The following VCL variants were observed in gnomAD, a reference collection of about 807,000 sequenced individuals.
The protein encoded by VCL is epididymis luminal protein 114.
Under a neutral mutation model 125.7 loss-of-function variants are expected in VCL, and 47 were observed. The observed-to-expected ratio is 0.37, with a 90% CI of 0.30 to 0.48. The LOEUF (loss-of-function observed/expected upper bound fraction) is 0.48. Ranked by LOEUF, VCL falls within the 20% of genes least tolerant of loss-of-function variation. VCL has a pLI of 0.99. For synonymous variants in VCL, 458 were observed against 514.6 expected, an observed-to-expected ratio of 0.89 and a Z score of 1.49; for missense variants, 1,069 against 1,455.5, an observed-to-expected ratio of 0.73 and a Z score of 4.32.
intron 2 of VCL, chr10:74,063,536 G>A (rs774689446): frequency 1.3e-5 from 2 of 152,120 alleles, no homozygotes; most frequent in African/African-American, 2.4e-5. Flanking sequence ...CTTCTCTCCT[G>A]CTTCCATTGC....
chr10:74,110,257 T>C (rs1188701658), intron 18 of VCL, among the ~76,000 whole-genome samples: 1 of 152,192 alleles, frequency 6.6e-6, no homozygotes, highest in African/African-American at 2.4e-5. Flanking sequence ...AATTTAAATT[T>C]CATTACAATG....
At chr10:74,048,841 T>G (rs1841242160) in intron 2 of VCL, among the ~76,000 whole-genome samples, 1 of 151,860 alleles carries the variant, frequency 6.6e-6, no homozygotes, top group African/African-American at 2.4e-5. Context: ...AATTGAGAGG[T>G]CAGGCGTGGT....
chr10:74,089,803 G>A (rs1335652494), intron 9 of VCL, among the ~76,000 whole-genome samples: 3 of 152,080 alleles, frequency 2.0e-5, no homozygotes, highest in African/African-American at 7.2e-5. Context: ...GATAAAGCTT[G>A]GGAAAATATT....
At chr10:74,080,311 G>GA (rs959383812) in intron 6 of VCL, among the ~76,000 whole-genome samples, 11 of 150,770 alleles carry the variant, frequency 7.3e-5, no homozygotes, top group Non-Finnish European at 1.6e-4. Flanking sequence ...CTTGGTAAAA[G>GA]AAAAAAAAAT....
intron 6 of VCL, chr10:74,077,626 C>G: frequency 2.4e-6 from 1 of 420,656 alleles, no homozygotes; most frequent in Non-Finnish European, 4.8e-6. Flanking sequence ...CAGTGTCTTT[C>G]ACCTCTTCTC....
intron 1 of VCL, among the ~76,000 whole-genome samples, chr10:74,017,416 T>C (rs541631960): frequency 1.8e-4 from 28 of 152,246 alleles, no homozygotes; most frequent in East Asian, 3.9e-4. Flanking sequence ...CATTCATCCA[T>C]TGATGGACAT....
At chr10:74,032,264 A>G (rs186029387) in intron 1 of VCL, among the ~76,000 whole-genome samples, 1 of 151,394 alleles carries the variant, frequency 6.6e-6, no homozygotes, top group East Asian at 1.9e-4. Context: ...AAAAAAAGAA[A>G]AAGGAAAAGA....
chr10:74,095,861 A>T lies in VCL; in HGVS notation c.1743+6A>T, dbSNP rs370709860. 6.6e-5 allele frequency: 107 copies of T among 1,612,842 alleles called. No homozygotes were observed. The Middle Eastern group carries it at 2.5e-3, about 38-fold the overall frequency. ...AGCTCCAAGACTCCTTAAAGGTAGA[A>T]GTCAGGAGCACATATCATTTTACTT... On this transcript the variant is annotated splice_donor_region_variant and intron_variant, in intron 12 of 21. Coordinates refer to ENST00000211998, the MANE Select transcript of VCL (RefSeq NM_014000.3).
intron 2 of VCL, among the ~76,000 whole-genome samples, chr10:74,044,849 G>A (rs1220545713): frequency 6.6e-6 from 1 of 152,050 alleles, no homozygotes; most frequent in South Asian, 2.1e-4. Context: ...CTTAAAAATG[G>A]TTAATTTTAT....
At position 74,115,626 on chromosome 10, in the gene VCL, T is replaced by A. The variant is rs1170390546; in HGVS notation, c.3258+727T>A. 5.3e-5 allele frequency among the ~76,000 whole-genome samples: 8 copies of A among 152,298 alleles called. No individual in the cohort carries two copies. The South Asian group carries it at 1.5e-3, about 28-fold the overall frequency. On this transcript the variant is annotated intron_variant, in intron 21 of 21. Transcript: ENST00000211998. ...TTTCAACTCACTGTATGTTTCTGGC[T>A]GGAGAGAAGGTCCGCTTTCCAGCTC...
chr10:74,039,668 C>T (rs888330402), intron 1 of VCL, among the ~76,000 whole-genome samples: 1 of 151,888 alleles, frequency 6.6e-6, no homozygotes, highest in Non-Finnish European at 1.5e-5. Flanking sequence ...TGCCTGGAGT[C>T]CTAGCTGCTC....
At chr10:74,072,977 T>C in intron 5 of VCL, 125 bp downstream of exon 5, 1 of 1,395,878 alleles carries the variant, frequency 7.2e-7, no homozygotes, top group Non-Finnish European at 9.8e-7. Context: ...AGTCTCACTC[T>C]GTTGCCAGGC....
intron 10 of VCL, among the ~76,000 whole-genome samples, chr10:74,092,975 G>A (rs1393538683): frequency 6.6e-6 from 1 of 152,064 alleles, no homozygotes; most frequent in Non-Finnish European, 1.5e-5. Context: ...CAAGGACTGG[G>A]GATTATGTGA....
chr10:74,037,492 G>C (rs975104723), intron 1 of VCL, among the ~76,000 whole-genome samples: 4 of 152,208 alleles, frequency 2.6e-5, no homozygotes, highest in Admixed American at 6.5e-5. Flanking sequence ...TAAAGATCTA[G>C]AACAGAGGAT....
At chr10:74,000,621 G>A (rs945033935) in intron 1 of VCL, among the ~76,000 whole-genome samples, 4 of 151,988 alleles carry the variant, frequency 2.6e-5, no homozygotes, top group Non-Finnish European at 4.4e-5. Context: ...CACCATGTTG[G>A]CCAGGATGAT....
At chr10:74,072,880 A>G (rs1841685025) in intron 5 of VCL, 28 bp downstream of exon 5, 2 of 1,612,648 alleles carry the variant, frequency 1.2e-6, no homozygotes, top group Admixed American at 1.7e-5. Context: ...TTTATTTTAT[A>G]GGGGGGAAAA....
At chr10:74,106,629 TC>T (rs1184612291) in intron 16 of VCL, among the ~76,000 whole-genome samples, 1 of 152,128 alleles carries the variant, frequency 6.6e-6, no homozygotes, top group Non-Finnish European at 1.5e-5. Context: ...AAGGAGGGGC[TC>T]CCCTATTCAT....
Position 74,103,833 on chromosome 10 carries a change from C to T in VCL, c.2036C>T (p.Ala679Val). The T allele has an allele frequency of 6.2e-7, 1 of 1,614,084 alleles. No individual in the cohort carries two copies. Among genetic ancestry groups the T allele is most frequent in the Non-Finnish European group, 8.5e-7 (1 of 1,179,988 alleles). ...RELTPQVVSA[A>V]RILLRNPGNQ... ...TGTCATTGTCAGGTGGTCTCGGCTGCTCGTATCTTACTTAGGAACCCTGGA... is the reference window on the plus strand; with the variant it reads ...TGTCATTGTCAGGTGGTCTCGGCTGTTCGTATCTTACTTAGGAACCCTGGA... Residue 679 changes from alanine to valine, a missense_variant, in exon 15 of 22, where the codon GCT becomes GTT. Transcript: ENST00000211998.
chr10:74,094,480 T>C lies in VCL; in HGVS notation c.1543+19T>C. 3 of 1,608,982 alleles carry C rather than the reference T, an allele frequency of 1.9e-6. No homozygotes were observed. Among genetic ancestry groups the C allele is most frequent in the Non-Finnish European group, 2.5e-6 (3 of 1,177,538 alleles). On this transcript the variant is annotated intron_variant, in intron 11 of 21. Coordinates refer to ENST00000211998, the MANE Select transcript of VCL (RefSeq NM_014000.3). ...GGAGTCGGTAAGGGCAGCAGTGCAC[T>C]ATAACCTCATTAAATTGGTCTCAGT...
Sources: gnomAD v4.1 joint callset for allele counts (sites outside exome capture counted in the v4.1 genomes callset) on GRCh38, gnomAD v4.1.1 for gene constraint, MANE v1.5 for transcripts, NCBI Gene and HGNC (gene_info 2026-07-23, HGNC 2026-07-21) for gene names.